The following MRPS35 variants were observed in gnomAD, a reference collection of about 807,000 sequenced individuals.
The protein encoded by MRPS35 is mitochondrial ribosomal protein S35, also known as small ribosomal subunit protein mS35.
MRPS35 carries 29 observed loss-of-function variants against 32.7 expected under a neutral mutation model. That is an observed-to-expected ratio of 0.89 (90% CI 0.66 to 1.21). The LOEUF is 1.21. Among genes scored for constraint, MRPS35 ranks in the 50% most tolerant of loss-of-function variants. The probability of loss-of-function intolerance (pLI) is 0.00; values close to 1 mark genes in which losing one functional copy is unlikely to be tolerated. For synonymous variants in MRPS35, 148 were observed against 139.3 expected (o/e 1.06, Z -0.44); for missense variants, 373 against 383.8 (o/e 0.97, Z 0.23).
intron 3 of MRPS35, among the ~76,000 whole-genome samples, chr12:27,719,475 G>C (rs920290215): frequency 1.7e-4 from 26 of 152,040 alleles, no homozygotes; most frequent in Admixed American, 7.9e-4. Flanking sequence ...GACCATCCTG[G>C]CTAACAAGGT....
intron 7 of MRPS35, 80 bp from the exon 8 acceptor site, chr12:27,755,096 AAGAAG>A: frequency 7.0e-7 from 1 of 1,419,332 alleles, no homozygotes; most frequent in Non-Finnish European, 9.4e-7. Context: ...GAAAAAAAAA[AAGAAG>A]AAAGAAAGGA....
At chr12:27,712,038 ATAAAG>A (rs775539259) in intron 1 of MRPS35, among the ~76,000 whole-genome samples, 44 of 151,866 alleles carry the variant, frequency 2.9e-4, no homozygotes, top group African/African-American at 3.9e-4. Context: ...TTGAAGAAAA[ATAAAG>A]TAGAGTATTG....
At chr12:27,721,108 T>C (rs894448083) in intron 4 of MRPS35, among the ~76,000 whole-genome samples, 4 of 152,136 alleles carry the variant, frequency 2.6e-5, no homozygotes, top group African/African-American at 9.7e-5. Flanking sequence ...GGGAAGGAGA[T>C]GTGGAATAGT....
At chr12:27,721,724 T>G (rs1445605831) in intron 4 of MRPS35, among the ~76,000 whole-genome samples, 1 of 152,220 alleles carries the variant, frequency 6.6e-6, no homozygotes, top group Admixed American at 6.5e-5. Flanking sequence ...TGTATTAGTA[T>G]TTGATCATCT....
intron 7 of MRPS35, among the ~76,000 whole-genome samples, chr12:27,741,204 A>C (rs1243234010): frequency 6.6e-6 from 1 of 152,106 alleles, no homozygotes; most frequent in Non-Finnish European, 1.5e-5. Context: ...AAAATAAGCA[A>C]GGAGAGTTGT....
At chr12:27,727,971 T>C (rs1204034032) in intron 5 of MRPS35, among the ~76,000 whole-genome samples, 1 of 152,180 alleles carries the variant, frequency 6.6e-6, no homozygotes, top group Non-Finnish European at 1.5e-5. Flanking sequence ...ATAGTTGTTA[T>C]ACTGTATTTT....
chr12:27,728,202 G>T (rs559027118), intron 5 of MRPS35, among the ~76,000 whole-genome samples: 1 of 151,992 alleles, frequency 6.6e-6, no homozygotes, highest in African/African-American at 2.4e-5. Flanking sequence ...CCATTGAATG[G>T]TCTTGACATC....
At chr12:27,718,579 G>A (rs1038805802) in intron 3 of MRPS35, among the ~76,000 whole-genome samples, 1 of 152,108 alleles carries the variant, frequency 6.6e-6, no homozygotes, top group Non-Finnish European at 1.5e-5. Context: ...TTTATTTGAA[G>A]AAATCAAATC....
rs544756059 is a variant in MRPS35 at position 27,710,878 on chromosome 12, T to G, written c.35T>G (p.Leu12Arg). 3.7e-6 allele frequency: 6 copies of G among 1,611,690 alleles called. No homozygotes were observed. In the South Asian group the frequency reaches 5.5e-5, roughly 15 times the overall value. ...GCCGCGCTCCCAGCATGGCTGTCTC[T>G]GCAGTCGAGGGCAAGGACTCTGCGT... ...AAAALPAWLS[L>R]QSRARTLRAF... The change falls in exon 1 of 8, where the codon CTG (leucine) becomes CGG (arginine). Residue 12 changes from leucine (L) to arginine (R), a missense_variant. Transcript: ENST00000081029.
At chr12:27,733,464 CTT>C (rs1565468239) in intron 5 of MRPS35, among the ~76,000 whole-genome samples, 1 of 151,996 alleles carries the variant, frequency 6.6e-6, no homozygotes, top group Admixed American at 6.6e-5. Flanking sequence ...GCTTTTGAAA[CTT>C]TTAAATTTAT....
intron 3 of MRPS35, among the ~76,000 whole-genome samples, chr12:27,718,266 A>G (rs138222610): frequency 0.016 from 2,470 of 152,192 alleles, 78 homozygotes; most frequent in African/African-American, 0.056. Flanking sequence ...CTCTACTAAA[A>G]CTACAAAAAA....
At position 27,724,198 on chromosome 12, in the gene MRPS35, T is replaced by C; in HGVS notation, c.522+12T>C. On this transcript the variant is annotated intron_variant, in intron 5 of 7. Transcript: ENST00000081029. ...TAGTAGTCTTAAGAGTAAGAGTTTT[T>C]TTCATTTTTTTTTTTTAAATAAGAA... 6.5e-7 allele frequency: 1 copy of C among 1,544,466 alleles called. No individual in the cohort carries two copies. Among genetic ancestry groups the C allele is most frequent in the African/African-American group, 1.4e-5 (1 of 71,294 alleles).
chr12:27,728,700 A>G (rs1011303519), intron 5 of MRPS35, among the ~76,000 whole-genome samples: 1 of 151,992 alleles, frequency 6.6e-6, no homozygotes, highest in Non-Finnish European at 1.5e-5. Context: ...ATGGCAAACA[A>G]CCCCACCTCC....
At chr12:27,737,390 A>C (rs2061946628) in intron 6 of MRPS35, 149 bp from the exon 7 acceptor site, 2 of 652,118 alleles carry the variant, frequency 3.1e-6, no homozygotes, top group Non-Finnish European at 2.7e-6. Context: ...AACTACAAAG[A>C]CTATTTTTAT....
intron 2 of MRPS35, 101 bp from the exon 3 acceptor site, chr12:27,716,189 TC>T (rs1393896239): frequency 8.4e-7 from 1 of 1,185,778 alleles, no homozygotes; most frequent in African/African-American, 1.6e-5. Flanking sequence ...CAATTTTGCT[TC>T]TATTTCTTGT....
chr12:27,725,861 A>G (rs1398179683), intron 5 of MRPS35, among the ~76,000 whole-genome samples: 6 of 124,686 alleles, frequency 4.8e-5, no homozygotes. Flanking sequence ...GCTGAAGTGC[A>G]GTGGCGCGAT....
chr12:27,732,783 G>T (rs1218861610), intron 5 of MRPS35, among the ~76,000 whole-genome samples: 1 of 151,944 alleles, frequency 6.6e-6, no homozygotes, highest in Non-Finnish European at 1.5e-5. Context: ...AAGTGTTCTT[G>T]AGGAAACTGA....
intron 1 of MRPS35, 26 bp downstream of exon 1, chr12:27,710,981 G>T: frequency 6.3e-7 from 1 of 1,597,970 alleles, no homozygotes. Context: ...GTCTTCTCTG[G>T]GCTTTGGGGG....
intron 3 of MRPS35, among the ~76,000 whole-genome samples, chr12:27,716,806 G>T (rs567861045): frequency 1.3e-5 from 2 of 152,198 alleles, no homozygotes; most frequent in South Asian, 4.1e-4. Context: ...TGGCCAACAT[G>T]GTGAAACCCC....
Sources: allele counts gnomAD v4.1 joint callset (sites outside exome capture counted in the v4.1 genomes callset), GRCh38; gene constraint gnomAD v4.1.1; transcripts MANE v1.5; gene names NCBI Gene and HGNC (gene_info 2026-07-23, HGNC 2026-07-21).